Variants in DLGAP2 observed in about 807,000 individuals in gnomAD.
The protein encoded by DLGAP2 is DLG associated protein 2.
A neutral mutation model predicts 100.3 loss-of-function variants in DLGAP2; 26 were observed. The ratio of observed to expected loss-of-function variants is 0.26; its 90% CI spans 0.19 to 0.36. DLGAP2 has a LOEUF of 0.36. Ranked by LOEUF, DLGAP2 falls within the 10% of genes least tolerant of loss-of-function variation. DLGAP2 has a pLI of 1.00. For missense variants in DLGAP2, 1,858 were observed against 1,453.2 expected, an observed-to-expected ratio of 1.28 and a Z score of -4.53; for synonymous variants, 886 against 630.1, an observed-to-expected ratio of 1.41 and a Z score of -6.08.
At chr8:899,347 A>T (rs1798207152) in intron 1 of DLGAP2, among the ~76,000 whole-genome samples, 1 of 152,156 alleles carries the variant, frequency 6.6e-6, no homozygotes, top group Non-Finnish European at 1.5e-5. Context: ...AGCCTATCTG[A>T]TGCCTGCACC....
At chr8:1,193,863 G>A (rs1281207174) in intron 2 of DLGAP2, among the ~76,000 whole-genome samples, 1 of 152,102 alleles carries the variant, frequency 6.6e-6, no homozygotes, top group Non-Finnish European at 1.5e-5. Flanking sequence ...TCGGCCTCTA[G>A]AGCCTCCGCA....
chr8:835,437 CCCACTGTGCT>C (rs1245612663), intron 1 of DLGAP2, among the ~76,000 whole-genome samples: 1 of 151,872 alleles, frequency 6.6e-6, no homozygotes, highest in African/African-American at 2.4e-5. Context: ...TTTTAGATTC[CCCACTGTGCT>C]CCACGCCGCC....
intron 1 of DLGAP2, among the ~76,000 whole-genome samples, chr8:873,225 AT>A (rs1797631672): frequency 6.6e-6 from 1 of 152,228 alleles, no homozygotes; most frequent in Non-Finnish European, 1.5e-5. Flanking sequence ...AATTCTAATA[AT>A]TTTTAGTGAA....
intron 2 of DLGAP2, among the ~76,000 whole-genome samples, chr8:1,219,528 C>T (rs376318061): frequency 6.6e-6 from 1 of 152,108 alleles, no homozygotes; most frequent in South Asian, 2.1e-4. Flanking sequence ...TAGTATTTTG[C>T]TGAGGATTTT....
intron 3 of DLGAP2, among the ~76,000 whole-genome samples, chr8:1,487,618 C>T (rs1466046335): frequency 6.6e-6 from 1 of 152,198 alleles, no homozygotes; most frequent in Non-Finnish European, 1.5e-5. Context: ...ACACGAGTCA[C>T]TCTCCCTGTA....
chr8:1,065,294 T>C (rs533893868), intron 2 of DLGAP2, among the ~76,000 whole-genome samples: 1 of 152,352 alleles, frequency 6.6e-6, no homozygotes, highest in South Asian at 2.1e-4. Context: ...TATTTCAAGA[T>C]AACAACTGGC....
At chr8:1,490,831 A>T (rs1188466066) in intron 3 of DLGAP2, among the ~76,000 whole-genome samples, 4 of 151,570 alleles carry the variant, frequency 2.6e-5, no homozygotes, top group African/African-American at 9.7e-5. Context: ...AATTGAGAAC[A>T]CATGGACACA....
chr8:1,326,887 T>C (rs1454098338), intron 3 of DLGAP2, among the ~76,000 whole-genome samples: 1 of 152,146 alleles, frequency 6.6e-6, no homozygotes, highest in African/African-American at 2.4e-5. Flanking sequence ...GTAAACACAG[T>C]GACAATACAG....
chr8:1,332,748 C>T (rs1262807302), intron 3 of DLGAP2, among the ~76,000 whole-genome samples: 2 of 152,200 alleles, frequency 1.3e-5, no homozygotes, highest in Non-Finnish European at 2.9e-5. Flanking sequence ...ACGCCCCAGA[C>T]CTGGAAAAGC....
intron 5 of DLGAP2, among the ~76,000 whole-genome samples, chr8:1,553,257 T>C (rs1443215292): frequency 6.6e-6 from 1 of 152,218 alleles, no homozygotes; most frequent in African/African-American, 2.4e-5. Context: ...CCTGCGCTCC[T>C]GGTTTTCTCC....
intron 12 of DLGAP2, among the ~76,000 whole-genome samples, chr8:1,683,863 T>TATATATATATATATATATATA: frequency 1.4e-5 from 1 of 71,588 alleles, no homozygotes; most frequent in East Asian, 5.3e-4. Flanking sequence ...TATATGTGTG[T>TATATATATATATATATATATA]GTGTGTGTGT....
intron 2 of DLGAP2, among the ~76,000 whole-genome samples, chr8:1,079,556 T>C (rs1204119773): frequency 6.6e-6 from 1 of 152,218 alleles, no homozygotes; most frequent in South Asian, 2.1e-4. Context: ...GGTTTCGTCA[T>C]ACAGCTATGC....
intron 3 of DLGAP2, among the ~76,000 whole-genome samples, chr8:1,310,879 G>A (rs938947352): frequency 2.0e-5 from 3 of 151,944 alleles, no homozygotes; most frequent in Non-Finnish European, 4.4e-5. Context: ...GAGGAAAACT[G>A]GAAATTTGAC....
At chr8:1,294,873 C>A (rs57581129) in intron 3 of DLGAP2, among the ~76,000 whole-genome samples, 47,520 of 136,978 alleles carry the variant, frequency 0.35, 9,099 homozygotes, top group East Asian at 0.46. Flanking sequence ...TGTCTCAAAA[C>A]AAAAAAAAAC....
intron 2 of DLGAP2, among the ~76,000 whole-genome samples, chr8:1,225,886 A>G (rs1422355157): frequency 6.6e-6 from 1 of 152,238 alleles, no homozygotes; most frequent in Non-Finnish European, 1.5e-5. Flanking sequence ...TGATTTAGCC[A>G]TTCCGTAATG....
chr8:886,991 G>T (rs1407759523), intron 1 of DLGAP2, among the ~76,000 whole-genome samples: 1 of 152,146 alleles, frequency 6.6e-6, no homozygotes. Flanking sequence ...CACTATTGTT[G>T]TGTGGGAGTC....
intron 3 of DLGAP2, among the ~76,000 whole-genome samples, chr8:1,327,973 A>C (rs1379744243): frequency 6.6e-6 from 1 of 152,188 alleles, no homozygotes; most frequent in Non-Finnish European, 1.5e-5. Context: ...TGGGCCCTGG[A>C]GGCAGAGCAG....
At chr8:1,455,493 G>T (rs150761976) in intron 3 of DLGAP2, among the ~76,000 whole-genome samples, 3 of 152,226 alleles carry the variant, frequency 2.0e-5, no homozygotes, top group African/African-American at 7.2e-5. Flanking sequence ...AGCTTTGCCC[G>T]TGTCCTTCAC....
chr8:1,585,637 G>A (rs1226689760), intron 6 of DLGAP2, among the ~76,000 whole-genome samples: 3 of 152,102 alleles, frequency 2.0e-5, no homozygotes, highest in African/African-American at 4.8e-5. Context: ...GCAGCTTAGC[G>A]AGCTCACCAC....
Sources: allele counts gnomAD v4.1 joint callset (sites outside exome capture counted in the v4.1 genomes callset), GRCh38; gene constraint gnomAD v4.1.1; transcripts MANE v1.5; gene names NCBI Gene and HGNC (gene_info 2026-07-23, HGNC 2026-07-21).